HPSE2: variants seen among roughly 807,000 people sequenced by gnomAD.
The protein encoded by HPSE2 is heparanase 2 (inactive).
A neutral mutation model predicts 60.5 loss-of-function variants in HPSE2; 38 were observed. That is an observed-to-expected ratio of 0.63 (90% confidence interval 0.48 to 0.82). HPSE2 has a LOEUF of 0.82. Among genes scored for constraint, HPSE2 ranks in the 40% least tolerant of loss-of-function variants. HPSE2 has a pLI of 0.00. For missense variants in HPSE2, 713 were observed against 740.4 expected (o/e 0.96, Z 0.43); for synonymous variants, 295 against 293.2 (o/e 1.01, Z -0.06).
chr10:98,664,253 C>T (rs1004504657), intron 6 of HPSE2, among the ~76,000 whole-genome samples: 10 of 151,950 alleles, frequency 6.6e-5, no homozygotes, highest in Admixed American at 2.6e-4. Context: ...TGGTAAACAC[C>T]CAGATGGTGG....
chr10:99,178,879 C>T (rs541264059), intron 2 of HPSE2, among the ~76,000 whole-genome samples: 192 of 152,168 alleles, frequency 1.3e-3, no homozygotes, highest in Admixed American at 3.9e-3. Flanking sequence ...AATAAAATAC[C>T]GGCAAACCGA....
At chr10:98,731,694 G>C (rs1000690667) in intron 4 of HPSE2, among the ~76,000 whole-genome samples, 14 of 152,146 alleles carry the variant, frequency 9.2e-5, no homozygotes, top group East Asian at 1.9e-4. Flanking sequence ...TATGGACTGT[G>C]TGCCCCTAAG....
chr10:98,772,868 GA>G (rs1188362975), intron 3 of HPSE2, among the ~76,000 whole-genome samples: 3 of 152,192 alleles, frequency 2.0e-5, no homozygotes, highest in African/African-American at 7.2e-5. Flanking sequence ...CTAGGAGGTT[GA>G]AATTCTAAGC....
intron 3 of HPSE2, among the ~76,000 whole-genome samples, chr10:99,100,126 AAC>A (rs1249973124): frequency 6.6e-6 from 1 of 152,238 alleles, no homozygotes; most frequent in Non-Finnish European, 1.5e-5. Context: ...TCAGCAATGG[AAC>A]AAAGCTGGGT....
chr10:98,670,510 A>C (rs1294644134), intron 6 of HPSE2, among the ~76,000 whole-genome samples: 3 of 152,208 alleles, frequency 2.0e-5, no homozygotes, highest in African/African-American at 7.2e-5. Flanking sequence ...AAGATCTGAA[A>C]TGCTCCAGTT....
At chr10:98,968,709 G>A (rs547620119) in intron 3 of HPSE2, among the ~76,000 whole-genome samples, 108 of 152,248 alleles carry the variant, frequency 7.1e-4, no homozygotes, top group South Asian at 1.5e-3. Flanking sequence ...CTTAGATGGA[G>A]CTGGAGGTTG....
intron 2 of HPSE2, among the ~76,000 whole-genome samples, chr10:99,199,552 T>C (rs1194242736): frequency 6.6e-6 from 1 of 152,158 alleles, no homozygotes; most frequent in African/African-American, 2.4e-5. Context: ...TCCAATTGTA[T>C]ATTTATGGCA....
At chr10:98,469,881 T>A (rs566208833) in intron 11 of HPSE2, among the ~76,000 whole-genome samples, 103 of 152,378 alleles carry the variant, frequency 6.8e-4, no homozygotes, top group African/African-American at 2.2e-3. Context: ...CCTGAGACTT[T>A]TCAGATTCCC....
intron 11 of HPSE2, among the ~76,000 whole-genome samples, chr10:98,474,739 C>T (rs1189223177): frequency 6.6e-6 from 1 of 152,134 alleles, no homozygotes; most frequent in African/African-American, 2.4e-5. Flanking sequence ...AGGAGAGGCT[C>T]ATGCAGATCT....
intron 11 of HPSE2, among the ~76,000 whole-genome samples, chr10:98,475,138 G>A (rs1308436747): frequency 9.5e-6 from 1 of 104,876 alleles, no homozygotes; most frequent in Admixed American, 9.5e-5. Flanking sequence ...TTTTTTTTGA[G>A]ACGGAGTCTC....
At chr10:98,736,074 C>T (rs1949349669) in intron 4 of HPSE2, among the ~76,000 whole-genome samples, 1 of 152,064 alleles carries the variant, frequency 6.6e-6, no homozygotes, top group Non-Finnish European at 1.5e-5. Context: ...TTGTAGCTTC[C>T]ATAATTCCCA....
chr10:99,284,594 T>A, the HPSE2 span, among the ~76,000 whole-genome samples: 1 of 152,196 alleles, frequency 6.6e-6, no homozygotes, highest in Admixed American at 6.5e-5. Flanking sequence ...AGTTTCTCTC[T>A]TTTTTGGCAA....
At position 99,151,993 on chromosome 10, in the gene HPSE2, G is replaced by A. The variant is rs559273011; in HGVS notation, c.449-7594C>T. Among the ~76,000 whole-genome samples, 83 of 151,730 alleles carry A rather than the reference G, an allele frequency of 5.5e-4. 1 individual carries two copies. The South Asian group carries it at 6.9e-3, about 13-fold the overall frequency. The stretch of plus-strand genomic sequence containing the variant: ...AGCAAAACTATCATTCAAAAATGCA[G>A]GCAAAATAAAGTCATTTCCATATTT... On this transcript the variant is annotated intron_variant, in intron 2 of 11. Transcript: ENST00000370552.
Position 98,460,391 on chromosome 10 carries a change from C to T in HPSE2, c.1614-652G>A, listed in dbSNP as rs567883419. Among the ~76,000 whole-genome samples the T allele has an allele frequency of 1.8e-4, 28 of 152,090 alleles. No homozygotes were observed. The South Asian group carries it at 5.8e-3, about 32-fold the overall frequency. On this transcript the variant is annotated intron_variant, in intron 11 of 11. Transcript: ENST00000370552. ...CCTATAATCTCAGCATTTTGGGAGG[C>T]TGAAGAGGGAGGATCGCTTGAGTCC...
intron 3 of HPSE2, among the ~76,000 whole-genome samples, chr10:99,106,355 A>C (rs1844247825): frequency 6.6e-6 from 1 of 152,012 alleles, no homozygotes; most frequent in South Asian, 2.1e-4. Flanking sequence ...ATCAGAATGA[A>C]GTTTCTTCTA....
At chr10:98,459,767 T>G (rs1400157513) in intron 11 of HPSE2, 28 bp from the exon 12 acceptor site, 1 of 1,598,586 alleles carries the variant, frequency 6.3e-7, no homozygotes, top group Non-Finnish European at 8.5e-7. Flanking sequence ...AGTATGGGAC[T>G]CATTATTGCA....
At position 98,963,967 on chromosome 10, in the gene HPSE2, G is replaced by A. The variant is rs557364633; in HGVS notation, c.610+180271C>T. Among the ~76,000 whole-genome samples the A allele has an allele frequency of 3.9e-5, 6 of 152,236 alleles. No homozygotes were observed. The East Asian group carries it at 7.7e-4, about 20-fold the overall frequency. ...AGTCTATTATCTAAACCTAATGCCC[G>A]ATGGAGATAAAATATTTCACATTAT... On this transcript the variant is annotated intron_variant, in intron 3 of 11. Coordinates refer to ENST00000370552, the MANE Select transcript of HPSE2 (RefSeq NM_021828.5).
chr10:99,006,907 A>G (rs1230020982), intron 3 of HPSE2, among the ~76,000 whole-genome samples: 2 of 151,810 alleles, frequency 1.3e-5, no homozygotes, highest in Admixed American at 6.5e-5. Flanking sequence ...TGGAAGCTCA[A>G]TTTACAGGTA....
At chr10:98,940,933 A>AAG in intron 3 of HPSE2, among the ~76,000 whole-genome samples, 1 of 129,254 alleles carries the variant, frequency 7.7e-6, no homozygotes, top group South Asian at 2.3e-4. Flanking sequence ...TTCAATATAC[A>AAG]CAAATCAATA....
Sources: gnomAD v4.1 joint callset for allele counts (sites outside exome capture counted in the v4.1 genomes callset) on GRCh38, gnomAD v4.1.1 for gene constraint, MANE v1.5 for transcripts, NCBI Gene and HGNC (gene_info 2026-07-23, HGNC 2026-07-21) for gene names.